Variants in RPS6KA2 observed in about 807,000 individuals in gnomAD.
RPS6KA2 encodes the protein ribosomal protein S6 kinase alpha-2.
In RPS6KA2, 42 loss-of-function variants were observed where a neutral mutation model predicts 91.8. The observed-to-expected ratio is 0.46, with a 90% CI of 0.36 to 0.59. RPS6KA2 has a LOEUF of 0.59. Ranked by LOEUF, RPS6KA2 falls within the 20% of genes least tolerant of loss-of-function variation. The pLI is 0.00. For synonymous variants in RPS6KA2, 414 were observed against 393.6 expected, an observed-to-expected ratio of 1.05 and a Z score of -0.61; for missense variants, 798 against 978.5, an observed-to-expected ratio of 0.82 and a Z score of 2.46.
At chr6:166,470,577 C>A (rs1441646124) in intron 10 of RPS6KA2, among the ~76,000 whole-genome samples, 1 of 152,186 alleles carries the variant, frequency 6.6e-6, no homozygotes, top group African/African-American at 2.4e-5. Flanking sequence ...GAGGAGTAGG[C>A]GGAGCGCTGG....
At chr6:166,577,488 G>C (rs1201063440) in intron 1 of RPS6KA2, among the ~76,000 whole-genome samples, 1 of 152,210 alleles carries the variant, frequency 6.6e-6, no homozygotes, top group Non-Finnish European at 1.5e-5. Context: ...ACCCGGAAGT[G>C]AGATGTGGAG....
chr6:166,690,414 G>A (rs1789169532), intron 2 of RPS6KA2, among the ~76,000 whole-genome samples: 1 of 152,194 alleles, frequency 6.6e-6, no homozygotes, highest in African/African-American at 2.4e-5. Context: ...AAAGGCAACA[G>A]GATTCCCATC....
chr6:166,705,657 G>C (rs757712169), intron 2 of RPS6KA2, among the ~76,000 whole-genome samples: 1 of 152,132 alleles, frequency 6.6e-6, no homozygotes, highest in Admixed American at 6.5e-5. Flanking sequence ...TATAAGATTT[G>C]GAAGGAAGAT....
intron 2 of RPS6KA2, among the ~76,000 whole-genome samples, chr6:166,782,345 G>C (rs1778793330): frequency 6.6e-6 from 1 of 152,154 alleles, no homozygotes; most frequent in African/African-American, 2.4e-5. Flanking sequence ...ATGTCCCTGA[G>C]TTGGGTGATG....
chr6:166,504,987 A>G (rs548503413), intron 5 of RPS6KA2, among the ~76,000 whole-genome samples: 3 of 152,344 alleles, frequency 2.0e-5, no homozygotes, highest in African/African-American at 7.2e-5. Context: ...AACAAATGTA[A>G]TACAAGTAAG....
At chr6:166,555,207 C>T (rs1176437680) in intron 1 of RPS6KA2, among the ~76,000 whole-genome samples, 1 of 152,186 alleles carries the variant, frequency 6.6e-6, no homozygotes, top group Non-Finnish European at 1.5e-5. Context: ...AGAAGAATTG[C>T]ACGCTGGCTT....
At chr6:166,486,498 C>T (rs940644009) in intron 10 of RPS6KA2, among the ~76,000 whole-genome samples, 4 of 152,232 alleles carry the variant, frequency 2.6e-5, no homozygotes, top group Admixed American at 2.0e-4. Flanking sequence ...AAGGAAGCTG[C>T]CTCTGTCTGG....
rs888423052 is a variant in RPS6KA2, at chr6:166,411,204, C to T, written c.*1558G>A. 6.6e-6 allele frequency: 1 copy of T among 151,006 alleles called. No homozygotes were observed. The highest frequency in any genetic ancestry group is 2.5e-5 in the African/African-American group (1 of 40,576). The allele number at this position is 151,006 out of a possible 1,614,324, so 9.4% of individuals were successfully genotyped here. A position where few individuals can be genotyped will look rare whatever the true frequency, so the allele number is the denominator to read the frequency against. On this transcript the variant is annotated 3_prime_UTR_variant, in exon 21 of 21. Coordinates refer to ENST00000265678, the MANE Select transcript of RPS6KA2 (RefSeq NM_021135.6). The surrounding 1 kb of genome is among the most constrained non-coding windows in gnomAD (Gnocchi z 4.5). ...TAAGGAGTTATTTTTCAGAACGCAG[C>T]ACATTTTTTCTTTATTTTTTTTTTT...
At chr6:166,515,490 G>A (rs181737671) in intron 3 of RPS6KA2, among the ~76,000 whole-genome samples, 150 of 152,286 alleles carry the variant, frequency 9.8e-4, no homozygotes, top group African/African-American at 3.4e-3. Flanking sequence ...AAAAAGAAGA[G>A]AGCTTGTTTT....
intron 2 of RPS6KA2, among the ~76,000 whole-genome samples, chr6:166,834,381 TTC>T (rs1780264857): frequency 6.6e-6 from 1 of 152,100 alleles, no homozygotes; most frequent in South Asian, 2.1e-4. Context: ...ATACCACATG[TTC>T]TCTCTTATAA....
intron 6 of RPS6KA2, among the ~76,000 whole-genome samples, chr6:166,502,549 G>A (rs1244014260): frequency 2.0e-5 from 3 of 152,238 alleles, no homozygotes; most frequent in Non-Finnish European, 4.4e-5. Context: ...CGGGGAGTGT[G>A]TCTAACACAC....
intron 2 of RPS6KA2, among the ~76,000 whole-genome samples, chr6:166,758,737 T>A (rs1242252554): frequency 6.6e-6 from 1 of 152,036 alleles, no homozygotes; most frequent in Non-Finnish European, 1.5e-5. Context: ...AACACAGGAC[T>A]TGAAAAGAAG....
intron 2 of RPS6KA2, among the ~76,000 whole-genome samples, chr6:166,755,526 G>A (rs540642882): frequency 6.6e-6 from 1 of 152,096 alleles, no homozygotes; most frequent in Admixed American, 6.5e-5. Context: ...AGTCTGCCCT[G>A]CTGCGCTCCA....
At chr6:166,428,408 TC>T (rs1158625472) in intron 16 of RPS6KA2, among the ~76,000 whole-genome samples, 2 of 141,638 alleles carry the variant, frequency 1.4e-5, no homozygotes, top group Admixed American at 1.4e-4. Context: ...GGACTTCATG[TC>T]TAAAACACCA....
intron 2 of RPS6KA2, among the ~76,000 whole-genome samples, chr6:166,840,951 G>T (rs1036711774): frequency 6.6e-6 from 1 of 151,030 alleles, no homozygotes; most frequent in Non-Finnish European, 1.5e-5. Flanking sequence ...CAACAAGAGC[G>T]AAACTTTGTC....
At position 166,445,817 on chromosome 6, in the gene RPS6KA2, C is replaced by T. The variant is rs928543711; in HGVS notation, c.1332+2907G>A. Among the ~76,000 whole-genome samples, 1 of 152,162 alleles carries T rather than the reference C, an allele frequency of 6.6e-6. No homozygotes were observed. The highest frequency in any genetic ancestry group is 6.5e-5 in the Admixed American group (1 of 15,274). On this transcript the variant is annotated intron_variant, in intron 14 of 20. Coordinates refer to ENST00000265678, the MANE Select transcript of RPS6KA2 (RefSeq NM_021135.6). This position sits in a 1 kb window ranked among gnomAD's most constrained non-coding sequence, Gnocchi z 4.5. Reference sequence around the variant, plus strand: ...TAGGTGGGATCGTATACGGCTCAAGCGGCAACTGGGAGTGGTAAAGCCGGA... The same window carrying T: ...TAGGTGGGATCGTATACGGCTCAAGTGGCAACTGGGAGTGGTAAAGCCGGA...
chr6:166,507,127 G>A (rs1382967444), intron 5 of RPS6KA2, among the ~76,000 whole-genome samples: 4 of 152,002 alleles, frequency 2.6e-5, no homozygotes, highest in African/African-American at 9.7e-5. Context: ...ATGTTCAGCC[G>A]GCTTAGCAGT....
chr6:166,537,949 CTTG>C (rs1294134255), intron 2 of RPS6KA2, among the ~76,000 whole-genome samples: 2 of 152,230 alleles, frequency 1.3e-5, no homozygotes, highest in African/African-American at 4.8e-5. Flanking sequence ...TTATTGACAT[CTTG>C]TTGTATGTGG....
rs906783588 is a variant in RPS6KA2, at chr6:166,800,753, T to C, written c.123+57447A>G. On this transcript the variant is annotated intron_variant, in intron 2 of 21. Transcript: ENST00000503859. The stretch of plus-strand genomic sequence containing the variant: ...TGAACAAAGACAGTTGGCCTTCCTT[T>C]ACCTGAGATCATTTTAAACACCATT... Among the ~76,000 whole-genome samples the C allele has an allele frequency of 2.0e-5, 3 of 152,234 alleles. No homozygotes were observed. The South Asian group carries it at 6.2e-4, about 31-fold the overall frequency.
Sources: gnomAD v4.1 joint callset for allele counts (sites outside exome capture counted in the v4.1 genomes callset) on GRCh38, gnomAD v4.1.1 for gene constraint, Gnocchi (gnomAD v3.1) non-coding constraint, MANE v1.5 for transcripts, NCBI Gene and HGNC (gene_info 2026-07-23, HGNC 2026-07-21) for gene names.